Variants in MBOAT1 observed in about 807,000 individuals in gnomAD.
MBOAT1 encodes membrane bound glycerophospholipid O-acyltransferase 1.
Under a neutral mutation model 64.4 loss-of-function variants are expected in MBOAT1, and 67 were observed. That is an observed-to-expected ratio of 1.04 (90% CI 0.85 to 1.27). The LOEUF is 1.27. MBOAT1 is among the 50% of genes most tolerant of loss of function. The pLI is 0.00. For synonymous variants in MBOAT1, 229 were observed against 218.9 expected (o/e 1.05, Z -0.41); for missense variants, 563 against 604.6 (o/e 0.93, Z 0.72).
At chr6:20,157,005 G>A (rs1329803340) in intron 1 of MBOAT1, among the ~76,000 whole-genome samples, 1 of 152,052 alleles carries the variant, frequency 6.6e-6, no homozygotes, top group Non-Finnish European at 1.5e-5. Flanking sequence ...ATTATAGGCT[G>A]GGCACAATGA....
At chr6:20,148,006 A>G (rs907794311) in intron 3 of MBOAT1, among the ~76,000 whole-genome samples, 20 of 152,246 alleles carry the variant, frequency 1.3e-4, no homozygotes, top group Middle Eastern at 3.2e-3. Context: ...GTTCTGCTCC[A>G]GTTGGTTCAC....
chr6:20,176,052 A>C (rs928414410), intron 1 of MBOAT1, among the ~76,000 whole-genome samples: 2 of 152,234 alleles, frequency 1.3e-5, no homozygotes, highest in Admixed American at 1.3e-4. Context: ...GAGAGGTCAA[A>C]GTAGAAGGAT....
At chr6:20,177,754 A>G (rs1166441387) in intron 1 of MBOAT1, among the ~76,000 whole-genome samples, 1 of 141,544 alleles carries the variant, frequency 7.1e-6, no homozygotes, top group Non-Finnish European at 1.5e-5. Context: ...AGCCTGGGCA[A>G]CAGAGTGAGA....
At chr6:20,180,255 G>A (rs9460466) in intron 1 of MBOAT1, among the ~76,000 whole-genome samples, 5,212 of 152,204 alleles carry the variant, frequency 0.034, 275 homozygotes, top group African/African-American at 0.12. Flanking sequence ...CCCTTATCCA[G>A]TAGACCTTCG....
intron 4 of MBOAT1, among the ~76,000 whole-genome samples, chr6:20,132,943 G>C (rs1000826867): frequency 2.6e-5 from 4 of 152,026 alleles, no homozygotes; most frequent in Non-Finnish European, 5.9e-5. Flanking sequence ...CTATTTTCTT[G>C]TCTCATTCCT....
intron 1 of MBOAT1, among the ~76,000 whole-genome samples, chr6:20,200,824 C>A (rs1247609608): frequency 1.3e-5 from 2 of 152,226 alleles, no homozygotes; most frequent in East Asian, 3.9e-4. Flanking sequence ...ACCGGTCCCC[C>A]ACCAGGTTAT....
Position 20,192,339 on chromosome 6 carries a change from C to A in MBOAT1, c.99+19797G>T, listed in dbSNP as rs9465649. ...AAAGTAACTGAAGTTACTTTATCAT[C>A]CCCTTGTTATCCTCCAAGTTGAGTC... On this transcript the variant is annotated intron_variant, in intron 1 of 12. Coordinates refer to ENST00000324607, the MANE Select transcript of MBOAT1 (RefSeq NM_001080480.3). 9.8e-3 allele frequency among the ~76,000 whole-genome samples: 1,487 copies of A among 152,250 alleles called. 19 individuals are homozygous for A. Among genetic ancestry groups the A allele is most frequent in the African/African-American group, 0.033 (1,354 of 41,524 alleles).
At chr6:20,209,819 C>T (rs952853283) in intron 1 of MBOAT1, among the ~76,000 whole-genome samples, 1 of 152,214 alleles carries the variant, frequency 6.6e-6, no homozygotes, top group East Asian at 1.9e-4. Context: ...GGAGGAGCCC[C>T]TGCAGGCTGA....
intron 1 of MBOAT1, among the ~76,000 whole-genome samples, chr6:20,193,419 T>C (rs1762865024): frequency 6.6e-6 from 1 of 152,134 alleles, no homozygotes; most frequent in South Asian, 2.1e-4. Flanking sequence ...GGCAGAATAG[T>C]ATTTCCAAGG....
chr6:20,109,763 C>G lies in MBOAT1; in HGVS notation c.1210-14G>C. The stretch of plus-strand genomic sequence containing the variant: ...GTTGTTCCTGACCTGCAGGCCAACA[C>G]AGGCAACAGTAGTGAGGAGGGGGTG... On this transcript the variant is annotated splice_polypyrimidine_tract_variant and intron_variant, in intron 11 of 12. Coordinates refer to ENST00000324607, the MANE Select transcript of MBOAT1 (RefSeq NM_001080480.3). The G allele has an allele frequency of 6.2e-7, 1 of 1,611,692 alleles. No individual in the cohort carries two copies. The highest frequency in any genetic ancestry group is 8.5e-7 in the Non-Finnish European group (1 of 1,178,142).
chr6:20,141,010 C>G (rs1226670549), intron 4 of MBOAT1, among the ~76,000 whole-genome samples: 1 of 152,120 alleles, frequency 6.6e-6, no homozygotes, highest in Non-Finnish European at 1.5e-5. Context: ...GGCAAGAGAC[C>G]TCCTGCTACC....
intron 1 of MBOAT1, among the ~76,000 whole-genome samples, chr6:20,166,692 C>T (rs1232395746): frequency 1.3e-5 from 2 of 152,122 alleles, no homozygotes; most frequent in African/African-American, 4.8e-5. Flanking sequence ...AATCCCAGCA[C>T]TTTGGGAGGC....
chr6:20,142,927 A>C (rs1276296800), intron 4 of MBOAT1, among the ~76,000 whole-genome samples: 1 of 152,190 alleles, frequency 6.6e-6, no homozygotes, highest in African/African-American at 2.4e-5. Context: ...ACAGTCACAA[A>C]GATTTAAATG....
At chr6:20,211,961 G>T (rs986812205) in intron 1 of MBOAT1, 175 bp downstream of exon 1, 6 of 490,276 alleles carry the variant, frequency 1.2e-5, no homozygotes, top group Admixed American at 4.1e-5. Flanking sequence ...ACCAACTCAA[G>T]AAGGGAAAAC....
At chr6:20,180,140 A>T (rs1581449613) in intron 1 of MBOAT1, among the ~76,000 whole-genome samples, 1 of 152,012 alleles carries the variant, frequency 6.6e-6, no homozygotes, top group African/African-American at 2.4e-5. Flanking sequence ...TTTGGTGACC[A>T]CTGCAATTTG....
At chr6:20,164,573 G>A (rs1044438219) in intron 1 of MBOAT1, among the ~76,000 whole-genome samples, 93 of 152,264 alleles carry the variant, frequency 6.1e-4, no homozygotes, top group African/African-American at 2.1e-3. Context: ...AAAATTTAAA[G>A]TGACTGATTT....
At chr6:20,211,500 T>A (rs1364800109) in intron 1 of MBOAT1, among the ~76,000 whole-genome samples, 1 of 152,184 alleles carries the variant, frequency 6.6e-6, no homozygotes, top group Non-Finnish European at 1.5e-5. Context: ...TGTAGATAAT[T>A]CCTGGACAGT....
chr6:20,209,485 C>A (rs939671326), intron 1 of MBOAT1, among the ~76,000 whole-genome samples: 3 of 152,148 alleles, frequency 2.0e-5, no homozygotes, highest in Non-Finnish European at 4.4e-5. Flanking sequence ...ACATACGAAG[C>A]AGAATGCTTA....
At chr6:20,109,063 C>T (rs576702757) in intron 12 of MBOAT1, among the ~76,000 whole-genome samples, 14 of 152,294 alleles carry the variant, frequency 9.2e-5, no homozygotes, top group East Asian at 1.9e-4. Context: ...GTCTGTGGTG[C>T]GAGCCTCCTC....
Sources: allele counts gnomAD v4.1 joint callset (sites outside exome capture counted in the v4.1 genomes callset), GRCh38; gene constraint gnomAD v4.1.1; transcripts MANE v1.5; gene names NCBI Gene and HGNC (gene_info 2026-07-23, HGNC 2026-07-21).